ZC3H12B: variants seen among roughly 807,000 people sequenced by gnomAD.
ZC3H12B encodes the protein zinc finger CCCH-type containing 12B, also known as probable ribonuclease ZC3H12B.
In ZC3H12B, 7 loss-of-function variants were observed where a neutral mutation model predicts 43.9. The ratio of observed to expected loss-of-function variants is 0.16; its 90% CI spans 0.09 to 0.30. The LOEUF (loss-of-function observed/expected upper bound fraction) is 0.30, where lower values mean the gene tolerates loss of function less well. ZC3H12B is among the 10% of genes least tolerant of loss of function. The probability of loss-of-function intolerance (pLI) is 1.00; values close to 1 mark genes in which losing one functional copy is unlikely to be tolerated. For synonymous variants in ZC3H12B, 222 were observed against 241.7 expected (o/e 0.92, Z 0.76); for missense variants, 475 against 670.2 (o/e 0.71, Z 3.22).
At chrX:65,233,407 C>T in the ZC3H12B span, among the ~76,000 whole-genome samples, 1 of 110,404 alleles carries the variant, frequency 9.1e-6, no homozygotes, top group Non-Finnish European at 1.9e-5. Flanking sequence ...TCTTTTGTGA[C>T]TACAATGGAA....
chrX:65,284,193 A>G, the ZC3H12B span, among the ~76,000 whole-genome samples: 2 of 108,198 alleles, frequency 1.8e-5, no homozygotes, highest in African/African-American at 6.8e-5. Flanking sequence ...AAATTCAAAA[A>G]TAGGAAGTAA....
At chrX:65,116,917 C>T in the ZC3H12B span, among the ~76,000 whole-genome samples, 1 of 112,049 alleles carries the variant, frequency 8.9e-6, no homozygotes, top group South Asian at 3.7e-4. Context: ...GCATAGTATT[C>T]CATGGTGTAT....
At chrX:65,197,444 C>A in the ZC3H12B span, among the ~76,000 whole-genome samples, 2 of 112,018 alleles carry the variant, frequency 1.8e-5, no homozygotes, top group Non-Finnish European at 3.8e-5. Flanking sequence ...ATAATGGCCA[C>A]TGTTGTTATC....
chrX:65,457,055 G>A (rs1255907011), intron 3 of ZC3H12B, among the ~76,000 whole-genome samples: 81 of 94,403 alleles, frequency 8.6e-4, no homozygotes, highest in African/African-American at 1.6e-3. Flanking sequence ...CTGCCCGGCC[G>A]CCCATCGTCT....
chrX:65,151,322 G>A, the ZC3H12B span, among the ~76,000 whole-genome samples: 10 of 111,604 alleles, frequency 9.0e-5, no homozygotes, highest in South Asian at 3.7e-4. Flanking sequence ...ATTGTTCAAC[G>A]GAAAATATCT....
chrX:65,226,815 G>T, the ZC3H12B span, among the ~76,000 whole-genome samples: 5 of 111,543 alleles, frequency 4.5e-5, no homozygotes, highest in Non-Finnish European at 9.4e-5. Flanking sequence ...AGGGATCAAT[G>T]CAACCAGAAG....
intron 3 of ZC3H12B, among the ~76,000 whole-genome samples, chrX:65,403,051 G>A (rs1282633251): frequency 8.9e-6 from 1 of 112,164 alleles, no homozygotes; most frequent in Non-Finnish European, 1.9e-5. Context: ...CAAAATAGCT[G>A]TGTTGAGGAA....
At chrX:65,188,220 T>A in the ZC3H12B span, among the ~76,000 whole-genome samples, 1 of 111,609 alleles carries the variant, frequency 9.0e-6, no homozygotes, top group Non-Finnish European at 1.9e-5. Context: ...TGATGGACAC[T>A]TAGGTTGCTT....
At chrX:65,444,025 G>T (rs1368195155) in intron 3 of ZC3H12B, among the ~76,000 whole-genome samples, 1 of 112,216 alleles carries the variant, frequency 8.9e-6, no homozygotes, top group Non-Finnish European at 1.9e-5. Flanking sequence ...TGATAATTGA[G>T]AATTTACTGC....
the ZC3H12B span, among the ~76,000 whole-genome samples, chrX:65,144,456 G>C: frequency 9.0e-6 from 1 of 111,068 alleles, no homozygotes; most frequent in African/African-American, 3.3e-5. Flanking sequence ...GTATTTTTTT[G>C]TTTCAATTTT....
intron 2 of ZC3H12B, among the ~76,000 whole-genome samples, chrX:65,386,596 G>A (rs750878697): frequency 9.0e-6 from 1 of 110,808 alleles, no homozygotes; most frequent in Non-Finnish European, 1.9e-5. Flanking sequence ...TCAAAAACCA[G>A]CCCCTGGTTT....
the ZC3H12B span, among the ~76,000 whole-genome samples, chrX:65,311,034 G>A: frequency 2.0e-4 from 22 of 111,919 alleles, no homozygotes; most frequent in Admixed American, 6.6e-4. Flanking sequence ...ACCTAAAACC[G>A]TAAAAACTCT....
At chrX:65,239,742 T>C in the ZC3H12B span, among the ~76,000 whole-genome samples, 1 of 112,437 alleles carries the variant, frequency 8.9e-6, no homozygotes, top group African/African-American at 3.2e-5. Flanking sequence ...TTTAGTGTTT[T>C]ATTTGGCACC....
chrX:65,376,768 C>T (rs1334021910), intron 2 of ZC3H12B, among the ~76,000 whole-genome samples: 1 of 111,462 alleles, frequency 9.0e-6, no homozygotes, highest in Admixed American at 9.6e-5. Context: ...CAAGTCCTTT[C>T]AAATACCCAG....
chrX:65,248,606 T>A, the ZC3H12B span, among the ~76,000 whole-genome samples: 2 of 111,764 alleles, frequency 1.8e-5, no homozygotes, highest in Non-Finnish European at 3.8e-5. Context: ...TCATGGCATG[T>A]CAAACTATCA....
intron 3 of ZC3H12B, among the ~76,000 whole-genome samples, chrX:65,482,901 T>G (rs983832984): frequency 8.9e-6 from 1 of 111,927 alleles, no homozygotes; most frequent in African/African-American, 3.2e-5. Context: ...GAATGAGTAA[T>G]GAAAATCAAC....
chrX:65,336,695 A>C, the ZC3H12B span, among the ~76,000 whole-genome samples: 1 of 112,141 alleles, frequency 8.9e-6, no homozygotes, highest in African/African-American at 3.2e-5. Flanking sequence ...CAGAGTGGGA[A>C]AGGCAAGGAG....
chrX:65,439,702 A>G (rs2067276565), intron 3 of ZC3H12B, among the ~76,000 whole-genome samples: 1 of 112,067 alleles, frequency 8.9e-6, no homozygotes, highest in Non-Finnish European at 1.9e-5. Flanking sequence ...GATAACTGCT[A>G]TCATAGCTAC....
chrX:65,296,699 C>CA, the ZC3H12B span, among the ~76,000 whole-genome samples: 1 of 109,923 alleles, frequency 9.1e-6, no homozygotes, highest in Non-Finnish European at 1.9e-5. Context: ...AAGGACATAA[C>CA]AAAAAAAGGA....
Sources: gnomAD v4.1 joint callset for allele counts (sites outside exome capture counted in the v4.1 genomes callset) on GRCh38, gnomAD v4.1.1 for gene constraint, MANE v1.5 for transcripts, NCBI Gene and HGNC (gene_info 2026-07-23, HGNC 2026-07-21) for gene names.